Variants in SPRR2G observed in about 807,000 individuals in gnomAD.
The protein encoded by SPRR2G is small proline-rich protein 2G.
A neutral mutation model predicts 0.7 loss-of-function variants in SPRR2G; 1 was observed. The observed-to-expected ratio is 1.49, with a 90% CI of 0.53 to 7.06. The LOEUF (loss-of-function observed/expected upper bound fraction) is 7.06. Ranked by LOEUF, SPRR2G falls within the 30% of genes most tolerant of loss-of-function variation. The pLI is 0.14. For synonymous variants in SPRR2G, 38 were observed against 33.9 expected (o/e 1.12, Z -0.42); for missense variants, 96 against 88.5 (o/e 1.09, Z -0.34).
the SPRR2G span, among the ~76,000 whole-genome samples, chr1:153,172,741 A>G: frequency 1.3e-5 from 2 of 152,208 alleles, no homozygotes; most frequent in African/African-American, 4.8e-5. Context: ...AAGGTACAAG[A>G]TTACTTTTTA....
the SPRR2G span, among the ~76,000 whole-genome samples, chr1:153,203,120 C>T: frequency 6.6e-5 from 10 of 152,152 alleles, no homozygotes; most frequent in African/African-American, 2.4e-4. Flanking sequence ...AGGAATTAAA[C>T]TTTGAGGGTG....
At chr1:153,168,348 A>G in the SPRR2G span, among the ~76,000 whole-genome samples, 1 of 152,216 alleles carries the variant, frequency 6.6e-6, no homozygotes, top group East Asian at 1.9e-4. Flanking sequence ...CTTACATCAC[A>G]TAGAAGTATA....
chr1:153,173,023 A>C, the SPRR2G span, among the ~76,000 whole-genome samples: 1 of 152,220 alleles, frequency 6.6e-6, no homozygotes, highest in Non-Finnish European at 1.5e-5. Context: ...AGAGATGAAG[A>C]AATAAAGTCA....
At chr1:153,150,223 C>T in intron 1 of SPRR2G, 92 bp from the exon 2 acceptor site, 2 of 1,527,390 alleles carry the variant, frequency 1.3e-6, no homozygotes, top group Non-Finnish European at 1.8e-6. Context: ...TATCTAGGGA[C>T]CAACTTTGAT....
chr1:153,186,107 A>G, the SPRR2G span, among the ~76,000 whole-genome samples: 2 of 152,000 alleles, frequency 1.3e-5, no homozygotes, highest in Non-Finnish European at 2.9e-5. Context: ...ATTCTTTTGC[A>G]TTTGCTGAGG....
the SPRR2G span, among the ~76,000 whole-genome samples, chr1:153,162,628 G>A: frequency 6.6e-6 from 1 of 151,812 alleles, no homozygotes; most frequent in African/African-American, 2.4e-5. Flanking sequence ...GGTGACCAGA[G>A]AGAAAGTGAG....
rs1656413454 is a variant in SPRR2G at position 153,149,650 on chromosome 1, T to C, written c.*239A>G. 1.7e-6 allele frequency: 1 copy of C among 594,454 alleles called. No homozygotes were observed. The highest frequency in any genetic ancestry group is 1.9e-5 in the African/African-American group (1 of 53,734). 36.8% of individuals were successfully genotyped at this position (594,454 alleles called of 1,614,324 possible). A position where few individuals can be genotyped will look rare whatever the true frequency, so the allele number is the denominator to read the frequency against. On this transcript the variant is annotated 3_prime_UTR_variant, in exon 2 of 2. Transcript: ENST00000368748. ...AGAATAAACACACTTGCTCTCAGGA[T>C]AGGAACCACCATCTACATCACAGAC...
the SPRR2G span, among the ~76,000 whole-genome samples, chr1:153,156,033 C>CCTT: frequency 0.031 from 4,695 of 152,174 alleles, 238 homozygotes; most frequent in African/African-American, 0.11. Flanking sequence ...TGCAACTTCA[C>CCTT]CTACACTCAG....
the SPRR2G span, among the ~76,000 whole-genome samples, chr1:153,180,665 A>T: frequency 6.6e-6 from 1 of 152,136 alleles, no homozygotes; most frequent in South Asian, 2.1e-4. Flanking sequence ...GAGGATAGGG[A>T]TATGCTCAGC....
the SPRR2G span, among the ~76,000 whole-genome samples, chr1:153,196,722 G>A: frequency 1.3e-5 from 2 of 152,326 alleles, no homozygotes; most frequent in Admixed American, 6.5e-5. Flanking sequence ...GAAGGAAATG[G>A]GTCTCTGCTT....
chr1:153,163,478 G>T, the SPRR2G span, among the ~76,000 whole-genome samples: 1 of 152,050 alleles, frequency 6.6e-6, no homozygotes, highest in Non-Finnish European at 1.5e-5. Flanking sequence ...TTGTATTTGG[G>T]GCTCCTATAT....
the SPRR2G span, among the ~76,000 whole-genome samples, chr1:153,186,008 A>G: frequency 6.6e-6 from 1 of 152,172 alleles, no homozygotes; most frequent in Non-Finnish European, 1.5e-5. Flanking sequence ...TTCAGTTTCC[A>G]TGTAGTTGTT....
At chr1:153,183,556 T>C in the SPRR2G span, among the ~76,000 whole-genome samples, 1 of 152,194 alleles carries the variant, frequency 6.6e-6, no homozygotes, top group African/African-American at 2.4e-5. Flanking sequence ...GCCCACTTTT[T>C]GTTGGGGTTG....
the SPRR2G span, among the ~76,000 whole-genome samples, chr1:153,197,667 G>C: frequency 1.8e-4 from 28 of 152,212 alleles, no homozygotes; most frequent in African/African-American, 6.5e-4. Flanking sequence ...AACAGGTGGG[G>C]AGTCAATCCA....
the SPRR2G span, among the ~76,000 whole-genome samples, chr1:153,179,571 G>A: frequency 6.6e-5 from 10 of 151,918 alleles, no homozygotes; most frequent in African/African-American, 2.2e-4. Flanking sequence ...ACTAAATAAG[G>A]ATAATAATGT....
chr1:153,201,285 G>A, the SPRR2G span, among the ~76,000 whole-genome samples: 1 of 152,164 alleles, frequency 6.6e-6, no homozygotes, highest in Non-Finnish European at 1.5e-5. Flanking sequence ...TTTAAAGACT[G>A]GAAAGATAAT....
the SPRR2G span, among the ~76,000 whole-genome samples, chr1:153,197,218 C>A: frequency 1.3e-5 from 2 of 150,666 alleles, no homozygotes; most frequent in Admixed American, 1.3e-4. Context: ...GCAAGATAAA[C>A]CCTAGCTGCA....
the SPRR2G span, among the ~76,000 whole-genome samples, chr1:153,181,467 A>G: frequency 2.6e-5 from 4 of 152,158 alleles, no homozygotes; most frequent in Non-Finnish European, 5.9e-5. Context: ...CTCATTAACT[A>G]TAGTCAGCTC....
At chr1:153,166,971 G>C in the SPRR2G span, among the ~76,000 whole-genome samples, 1 of 152,132 alleles carries the variant, frequency 6.6e-6, no homozygotes, top group Non-Finnish European at 1.5e-5. Flanking sequence ...TCTATAAAGG[G>C]AACATAAGTT....
Sources: gnomAD v4.1 joint callset for allele counts (sites outside exome capture counted in the v4.1 genomes callset) on GRCh38, gnomAD v4.1.1 for gene constraint, MANE v1.5 for transcripts, NCBI Gene and HGNC (gene_info 2026-07-23, HGNC 2026-07-21) for gene names.